Variants in TMEM131L observed in about 807,000 individuals in gnomAD.
TMEM131L encodes transmembrane 131 like, also known as transmembrane protein 131-like.
In TMEM131L, 54 loss-of-function variants were observed where a neutral mutation model predicts 192.2. The observed-to-expected ratio is 0.28, with a 90% CI of 0.23 to 0.35. The LOEUF (loss-of-function observed/expected upper bound fraction) is 0.35. TMEM131L is among the 10% of genes least tolerant of loss of function. The pLI is 1.00. For missense variants in TMEM131L, 1,888 were observed against 1,972.9 expected (o/e 0.96, Z 0.82); for synonymous variants, 701 against 704.9 (o/e 0.99, Z 0.09).
chr4:153,583,007 A>G (rs1330679355), intron 9 of TMEM131L, among the ~76,000 whole-genome samples, 183 bp from the exon 10 acceptor site: 2 of 152,056 alleles, frequency 1.3e-5, no homozygotes, highest in African/African-American at 4.8e-5. Flanking sequence ...TTGTGATTAA[A>G]AAAGAAAAAA....
intron 2 of TMEM131L, among the ~76,000 whole-genome samples, chr4:153,467,638 A>G (rs962546201): frequency 6.6e-6 from 1 of 152,252 alleles, no homozygotes; most frequent in Non-Finnish European, 1.5e-5. Flanking sequence ...TGAGGACAAC[A>G]GGAGTATTGA....
chr4:153,528,071 C>T (rs943267976), intron 3 of TMEM131L, among the ~76,000 whole-genome samples: 19 of 152,182 alleles, frequency 1.2e-4, no homozygotes, highest in African/African-American at 4.1e-4. Flanking sequence ...TTGCCTGCCA[C>T]GCCTTGTTGA....
rs527354163 is a variant in TMEM131L at position 153,571,948 on chromosome 4, T to C, written c.661-8878T>C. Among the ~76,000 whole-genome samples, 4 of 152,364 alleles carry C rather than the reference T, an allele frequency of 2.6e-5. No individual in the cohort carries two copies. The South Asian group carries it at 8.3e-4, about 32-fold the overall frequency. On this transcript the variant is annotated intron_variant, in intron 7 of 34. Transcript: ENST00000409959. The stretch of plus-strand genomic sequence containing the variant: ...TTAAAAGCTCCATTTAGCACAGATA[T>C]ATTTCATTTTGAATACCTGCACAAT...
chr4:153,543,719 G>C (rs191008999), intron 3 of TMEM131L, among the ~76,000 whole-genome samples: 6 of 152,326 alleles, frequency 3.9e-5, no homozygotes, highest in South Asian at 2.1e-4. Context: ...CCTGTCTCCT[G>C]CTCAGAGGAA....
intron 7 of TMEM131L, among the ~76,000 whole-genome samples, chr4:153,574,697 C>G (rs1379880982): frequency 6.6e-6 from 1 of 152,180 alleles, no homozygotes; most frequent in African/African-American, 2.4e-5. Context: ...AAGCAATTCC[C>G]CAGCTTCAGC....
intron 7 of TMEM131L, among the ~76,000 whole-genome samples, chr4:153,566,800 C>T (rs1399989453): frequency 6.6e-6 from 1 of 152,172 alleles, no homozygotes; most frequent in African/African-American, 2.4e-5. Context: ...GCCATGGCAA[C>T]ATGTTGCTGG....
Position 153,636,672 on chromosome 4 carries a change from A to G in TMEM131L, c.*96A>G, listed in dbSNP as rs937025111. On this transcript the variant is annotated 3_prime_UTR_variant, in exon 35 of 35. Transcript: ENST00000409959. ...GAGATAGATTATGACATTGGTGGAT[A>G]TTTTGGCACTTTTATATGAAAATAA... The G allele has an allele frequency of 1.6e-6, 2 of 1,254,036 alleles. No homozygotes were observed. The highest frequency in any genetic ancestry group is 1.1e-6 in the Non-Finnish European group (1 of 906,576). 77.7% of individuals were successfully genotyped at this position (1,254,036 alleles called of 1,614,324 possible).
chr4:153,533,666 C>G (rs1464065856), intron 3 of TMEM131L, among the ~76,000 whole-genome samples: 1 of 152,216 alleles, frequency 6.6e-6, no homozygotes, highest in Non-Finnish European at 1.5e-5. Context: ...TGGACCTCCT[C>G]TTACAGTCCT....
intron 16 of TMEM131L, among the ~76,000 whole-genome samples, chr4:153,590,841 G>C (rs1305411631): frequency 6.8e-6 from 1 of 146,288 alleles, no homozygotes; most frequent in African/African-American, 2.5e-5. Flanking sequence ...TCTGTTGTTT[G>C]AGTGCTTCCT....
At position 153,536,844 on chromosome 4, in the gene TMEM131L, C is replaced by T. The variant is rs551606034; in HGVS notation, c.240-13229C>T. Among the ~76,000 whole-genome samples the T allele has an allele frequency of 5.9e-5, 9 of 152,170 alleles. No individual in the cohort carries two copies. The South Asian group carries it at 8.3e-4, about 14-fold the overall frequency. On this transcript the variant is annotated intron_variant, in intron 3 of 34. Transcript: ENST00000409959. ...AAGCTGAGGAGCAAGGAAACCAGTC[C>T]GAGTCCCAAAGCTGAAGAACTTGGG...
intron 3 of TMEM131L, among the ~76,000 whole-genome samples, chr4:153,505,596 G>A (rs1287887628): frequency 6.6e-6 from 1 of 152,166 alleles, no homozygotes; most frequent in Non-Finnish European, 1.5e-5. Context: ...TGTCCTGAAG[G>A]GGAAAAGCAA....
At chr4:153,468,473 T>C (rs1269552412) in intron 2 of TMEM131L, among the ~76,000 whole-genome samples, 1 of 152,184 alleles carries the variant, frequency 6.6e-6, no homozygotes, top group African/African-American at 2.4e-5. Context: ...TACATGTGTT[T>C]TTGAAGGTTT....
Position 153,486,082 on chromosome 4 carries a change from C to T in TMEM131L, c.239+12194C>T, listed in dbSNP as rs140372619. Among the ~76,000 whole-genome samples, 44 of 152,082 alleles carry T rather than the reference C, an allele frequency of 2.9e-4. No homozygotes were observed. In the East Asian group the frequency reaches 7.9e-3, roughly 27 times the overall value. On this transcript the variant is annotated intron_variant, in intron 3 of 34. Coordinates refer to ENST00000409959, the MANE Select transcript of TMEM131L (RefSeq NM_001131007.2). ...GCTGTCTGTCGAAGGAGACTAAGTCCGAGATTAACGGATGGAAGCAACTGA... is the reference window on the plus strand; with the variant it reads ...GCTGTCTGTCGAAGGAGACTAAGTCTGAGATTAACGGATGGAAGCAACTGA...
chr4:153,548,520 G>T (rs564740055), intron 3 of TMEM131L, among the ~76,000 whole-genome samples: 2 of 152,266 alleles, frequency 1.3e-5, no homozygotes, highest in Non-Finnish European at 2.9e-5. Flanking sequence ...AGCCAGGATA[G>T]CCTTGATCTC....
At chr4:153,619,278 C>T (rs1733218113) in intron 26 of TMEM131L, among the ~76,000 whole-genome samples, 1 of 152,130 alleles carries the variant, frequency 6.6e-6, no homozygotes, top group South Asian at 2.1e-4. Context: ...TTTGCTGGCC[C>T]TTGAGTGGAC....
intron 3 of TMEM131L, 136 bp downstream of exon 3, chr4:153,474,024 C>T (rs1053662907): frequency 2.4e-5 from 13 of 548,204 alleles, no homozygotes; most frequent in African/African-American, 1.4e-4. Context: ...TGGCATTTGT[C>T]GTATCTATAC....
At chr4:153,492,076 G>A (rs777570181) in intron 3 of TMEM131L, among the ~76,000 whole-genome samples, 3 of 151,806 alleles carry the variant, frequency 2.0e-5, no homozygotes, top group Non-Finnish European at 4.4e-5. Context: ...ATCATAGCTC[G>A]CTGCAACCTT....
intron 3 of TMEM131L, among the ~76,000 whole-genome samples, chr4:153,474,605 G>T (rs1731394767): frequency 6.6e-6 from 1 of 152,234 alleles, no homozygotes. Flanking sequence ...CAGGGGACTG[G>T]AATACAGTGG....
In TMEM131L at chr4:153,473,951, C is replaced by G. The variant is rs1343394457; in HGVS notation, c.239+63C>G. On this transcript the variant is annotated intron_variant, in intron 3 of 34. Transcript: ENST00000409959. ...TGTCCCTGCCCACTTTGGGTGCTCT[C>G]TGAAGTCTCAGTATATGTCCATGTT... The G allele has an allele frequency of 2.6e-6, 3 of 1,136,498 alleles. No homozygotes were observed. The African/African-American group carries it at 4.7e-5, about 18-fold the overall frequency. The allele number at this position is 1,136,498 out of a possible 1,614,324, so 70.4% of individuals were successfully genotyped here.
Sources: allele counts gnomAD v4.1 joint callset (sites outside exome capture counted in the v4.1 genomes callset), GRCh38; gene constraint gnomAD v4.1.1; transcripts MANE v1.5; gene names NCBI Gene and HGNC (gene_info 2026-07-23, HGNC 2026-07-21).